The following TXLNB variants were observed in gnomAD, a reference collection of about 807,000 sequenced individuals.
TXLNB encodes beta-taxilin.
Under a neutral mutation model 57.4 loss-of-function variants are expected in TXLNB, and 37 were observed. That is an observed-to-expected ratio of 0.64 (90% CI 0.50 to 0.85). The LOEUF (loss-of-function observed/expected upper bound fraction) is 0.85, where lower values mean the gene tolerates loss of function less well. TXLNB is among the 40% of genes least tolerant of loss of function. The pLI is 0.00. For missense variants in TXLNB, 848 were observed against 825.6 expected, an observed-to-expected ratio of 1.03 and a Z score of -0.33; for synonymous variants, 302 against 309.6, an observed-to-expected ratio of 0.98 and a Z score of 0.26.
chr6:139,279,195 A>G (rs2114604209), intron 2 of TXLNB, among the ~76,000 whole-genome samples: 1 of 152,322 alleles, frequency 6.6e-6, no homozygotes, highest in Non-Finnish European at 1.5e-5. Context: ...AGAGATAGAA[A>G]TGAGTGAGTC....
At chr6:139,164,153 C>T in the TXLNB span, among the ~76,000 whole-genome samples, 1 of 151,958 alleles carries the variant, frequency 6.6e-6, no homozygotes, top group Non-Finnish European at 1.5e-5. Flanking sequence ...TTTCTCAACC[C>T]ACAGCACCCT....
At chr6:139,250,051 G>A (rs1246748479) in intron 7 of TXLNB, among the ~76,000 whole-genome samples, 2 of 151,646 alleles carry the variant, frequency 1.3e-5, no homozygotes, top group Non-Finnish European at 2.9e-5. Flanking sequence ...GTCTGATTCT[G>A]TCACCCAGGC....
intron 2 of TXLNB, among the ~76,000 whole-genome samples, chr6:139,280,611 C>T (rs1777023132): frequency 6.6e-6 from 1 of 152,194 alleles, no homozygotes; most frequent in South Asian, 2.1e-4. Context: ...CCACTCCACT[C>T]CAGCCTGGGG....
At chr6:139,226,542 T>C in the TXLNB span, among the ~76,000 whole-genome samples, 16 of 152,186 alleles carry the variant, frequency 1.1e-4, no homozygotes, top group Non-Finnish European at 1.9e-4. Flanking sequence ...GATTTGTAAT[T>C]GTTAAGTAAT....
intron 4 of TXLNB, among the ~76,000 whole-genome samples, chr6:139,268,124 T>C (rs1280995802): frequency 1.5e-5 from 2 of 130,744 alleles, no homozygotes; most frequent in African/African-American, 6.1e-5. Context: ...CACTCCAGCC[T>C]GGACGACAGA....
At chr6:139,189,241 G>T in the TXLNB span, among the ~76,000 whole-genome samples, 10 of 152,172 alleles carry the variant, frequency 6.6e-5, no homozygotes, top group Admixed American at 5.9e-4. Flanking sequence ...AAAAGTTTAT[G>T]ATTTCTCTTT....
the TXLNB span, among the ~76,000 whole-genome samples, chr6:139,209,135 A>G: frequency 6.6e-6 from 1 of 152,218 alleles, no homozygotes; most frequent in African/African-American, 2.4e-5. Context: ...TAATCCTACT[A>G]TACACCAACA....
At chr6:139,221,722 T>C in the TXLNB span, among the ~76,000 whole-genome samples, 1 of 152,198 alleles carries the variant, frequency 6.6e-6, no homozygotes, top group South Asian at 2.1e-4. Flanking sequence ...AACTGGAAAA[T>C]ATTATAGCTG....
intron 7 of TXLNB, 187 bp downstream of exon 7, chr6:139,255,377 A>C: frequency 3.0e-6 from 2 of 657,766 alleles, no homozygotes; most frequent in Non-Finnish European, 2.9e-6. Context: ...TCTTTTTCAT[A>C]GATATAATAT....
chr6:139,262,198 G>A (rs974216662), intron 5 of TXLNB, among the ~76,000 whole-genome samples: 9 of 152,224 alleles, frequency 5.9e-5, no homozygotes, highest in Admixed American at 3.3e-4. Flanking sequence ...GAGCCACCGC[G>A]CCTGGCCAGA....
chr6:139,174,189 C>T, the TXLNB span, among the ~76,000 whole-genome samples: 108,096 of 152,154 alleles, frequency 0.71, 39,662 homozygotes, highest in African/African-American at 0.86. Context: ...AAAATACATG[C>T]TTTATTGACA....
the TXLNB span, among the ~76,000 whole-genome samples, chr6:139,216,905 G>C: frequency 6.6e-6 from 1 of 152,134 alleles, no homozygotes; most frequent in Non-Finnish European, 1.5e-5. Flanking sequence ...ACTACATATT[G>C]GGTACAGTGT....
the TXLNB span, among the ~76,000 whole-genome samples, chr6:139,298,817 A>T: frequency 6.6e-6 from 1 of 152,148 alleles, no homozygotes; most frequent in South Asian, 2.1e-4. Context: ...ATGGAGGCAG[A>T]TCTCTCATGA....
intron 3 of TXLNB, among the ~76,000 whole-genome samples, chr6:139,272,534 TA>T: frequency 6.6e-6 from 1 of 152,198 alleles, no homozygotes; most frequent in East Asian, 1.9e-4. Flanking sequence ...ATTAGCATTG[TA>T]AAAACAAAAC....
chr6:139,193,128 G>A, the TXLNB span, among the ~76,000 whole-genome samples: 1 of 151,524 alleles, frequency 6.6e-6, no homozygotes, highest in Non-Finnish European at 1.5e-5. Flanking sequence ...TCCATGTGTT[G>A]CAGGTTTTCC....
intron 8 of TXLNB, among the ~76,000 whole-genome samples, chr6:139,245,821 T>A (rs1019659841): frequency 2.0e-5 from 3 of 152,078 alleles, no homozygotes; most frequent in Non-Finnish European, 4.4e-5. Flanking sequence ...GCCTCCTGAG[T>A]AGCTGGGATT....
At chr6:139,183,402 C>A in the TXLNB span, 1 of 152,192 alleles carries the variant, frequency 6.6e-6, no homozygotes, top group Non-Finnish European at 1.5e-5. Flanking sequence ...CATTAGTAGT[C>A]TGAAGAGATC....
At chr6:139,277,170 C>T (rs1798254712) in intron 2 of TXLNB, 1 of 368,058 alleles carries the variant, frequency 2.7e-6, no homozygotes, top group Non-Finnish European at 4.8e-6. Context: ...TTTGCTATAA[C>T]AGAAGTCTCC....
At chr6:139,185,387 GA>G in the TXLNB span, among the ~76,000 whole-genome samples, 1 of 152,152 alleles carries the variant, frequency 6.6e-6, no homozygotes, top group South Asian at 2.1e-4. Context: ...TCACTTTAAA[GA>G]CATAAGTTTT....
Sources: gnomAD v4.1 joint callset for allele counts (sites outside exome capture counted in the v4.1 genomes callset) on GRCh38, gnomAD v4.1.1 for gene constraint, MANE v1.5 for transcripts, NCBI Gene and HGNC (gene_info 2026-07-23, HGNC 2026-07-21) for gene names.